The following MELTF variants were observed in gnomAD, a reference collection of about 807,000 sequenced individuals.
The protein encoded by MELTF is antigen p97 (melanoma associated) identified by monoclonal antibodies 133.2 and 96.5.
Under a neutral mutation model 83.7 loss-of-function variants are expected in MELTF, and 67 were observed. The ratio of observed to expected loss-of-function variants is 0.80; its 90% CI spans 0.66 to 0.98. The LOEUF (loss-of-function observed/expected upper bound fraction) is 0.98. MELTF is among the 50% of genes least tolerant of loss of function. The probability of loss-of-function intolerance (pLI) is 0.00; values close to 1 mark genes in which losing one functional copy is unlikely to be tolerated. For missense variants in MELTF, 1,002 were observed against 1,035.6 expected, an observed-to-expected ratio of 0.97 and a Z score of 0.44; for synonymous variants, 462 against 447.6, an observed-to-expected ratio of 1.03 and a Z score of -0.41.
rs538886521 is a variant in MELTF at position 197,016,273 on chromosome 3, C to T, written c.997G>A (p.Val333Met). 4.8e-5 allele frequency: 77 copies of T among 1,613,172 alleles called. No homozygotes were observed. Among genetic ancestry groups the T allele is most frequent in the Non-Finnish European group, 6.3e-5 (74 of 1,179,542 alleles). The change falls in exon 8 of 16, where the codon GTG becomes ATG. Residue 333 changes from valine to methionine, a missense_variant. Val to Met is a conservative substitution (Grantham distance 21). Coordinates refer to ENST00000296350, the MANE Select transcript of MELTF (RefSeq NM_005929.6). ...LLFKDSTSELVPIATQTYEAW... is the reference protein window; with the variant it reads ...LLFKDSTSELMPIATQTYEAW... Reference sequence around the variant, plus strand: ...TCATAGGTCTGTGTGGCGATGGGCACAAGCTCCGAGGTAGAGTCTTTGAAG... The same window carrying T: ...TCATAGGTCTGTGTGGCGATGGGCATAAGCTCCGAGGTAGAGTCTTTGAAG...
At chr3:197,019,849 TA>T (rs372054650) in intron 6 of MELTF, 1,092 of 1,406,596 alleles carry the variant, frequency 7.8e-4, no homozygotes, top group South Asian at 1.8e-3. Flanking sequence ...GACAATGATT[TA>T]AAAAAAAAAC....
chr3:197,004,440 C>T (rs180843627), intron 14 of MELTF: 383 of 371,258 alleles, frequency 1.0e-3, no homozygotes, highest in African/African-American at 7.1e-3. Context: ...TTCTGCTAGG[C>T]CTGCTGAGCA....
At position 197,004,082 on chromosome 3, in the gene MELTF, G is replaced by T; in HGVS notation, c.1956C>A (p.Asp652Glu). 4 of 1,614,150 alleles carry T rather than the reference G, an allele frequency of 2.5e-6. No individual in the cohort carries two copies. The highest frequency in any genetic ancestry group is 3.4e-6 in the Non-Finnish European group (4 of 1,180,034). The change falls in exon 15 of 16, where the codon GAC becomes GAA. Residue 652 changes from aspartate (D) to glutamate (E), a missense_variant. Physicochemically the swap from Asp to Glu is conservative, Grantham distance 45. Transcript: ENST00000296350. ...LDKAQDLFGD[D>E]HNKNGFKMFD... ...ACATTTTGAACCCGTTCTTATTGTG[G>T]TCGTCTCCAAACAGGTCCTGGAAGC...
chr3:197,024,611 TGC>T lies in MELTF; in HGVS notation c.305-128_305-127del. ...GAGCACGGCTGTACACACGGATGTG[TGC>T]ATAGCGTTCTCGTTACCAAGAGAGC... On this transcript the variant is annotated intron_variant, in intron 3 of 15. Coordinates refer to ENST00000296350, the MANE Select transcript of MELTF (RefSeq NM_005929.6). The surrounding 1 kb of genome is among the most constrained non-coding windows in gnomAD (Gnocchi z 5.3). 1.5e-5 allele frequency: 10 copies of T among 672,348 alleles called. No homozygotes were observed. The highest frequency in any genetic ancestry group is 3.5e-5 in the South Asian group (1 of 28,634). 41.6% of individuals were successfully genotyped at this position (672,348 alleles called of 1,614,324 possible).
intron 6 of MELTF, chr3:197,019,700 G>T: frequency 6.2e-7 from 1 of 1,613,980 alleles, no homozygotes; most frequent in East Asian, 2.2e-5. Context: ...TTCCAGGCTT[G>T]CCCAGCACTA....
chr3:197,015,420 G>T lies in MELTF; in HGVS notation c.1178C>A (p.Pro393Gln). Residue 393 changes from proline to glutamine, a missense_variant, in exon 9 of 16, where the codon CCA becomes CAA. Transcript: ENST00000296350. The stretch of plus-strand genomic sequence containing the variant: ...CTTGGCTGACACGCACTGGATCTCT[G>T]GCTTGAGCCGCTGCCGGCGGAAGGC... ...AVAFRRQRLK[P>Q]EIQCVSAKSP... 5 of 1,594,466 alleles carry T rather than the reference G, an allele frequency of 3.1e-6. No homozygotes were observed. The highest frequency in any genetic ancestry group is 4.3e-6 in the Non-Finnish European group (5 of 1,171,140).
In MELTF at chr3:197,009,606, AG is replaced by A. The variant is rs540254752; in HGVS notation, c.1525+11del. On this transcript the variant is annotated intron_variant, in intron 11 of 15. Transcript: ENST00000296350. ...GCTTCCCCAGTCTGCGTTCCTAAAAAGGGGGGGGTACCTGTGAGGACGTCAC... is the reference window on the plus strand; with the variant it reads ...GCTTCCCCAGTCTGCGTTCCTAAAAAGGGGGGGTACCTGTGAGGACGTCAC... The A allele has an allele frequency of 8.4e-5, 133 of 1,584,760 alleles. No individual in the cohort carries two copies. Among genetic ancestry groups the A allele is most frequent in the Middle Eastern group, 1.7e-4 (1 of 5,982 alleles).
intron 11 of MELTF, 93 bp from the exon 12 acceptor site, chr3:197,009,058 C>G (rs9823897): frequency 2.0e-6 from 3 of 1,477,790 alleles, no homozygotes; most frequent in Admixed American, 3.5e-5. Flanking sequence ...CTGCCCACCC[C>G]CCGGATCCTA....
At chr3:197,018,301 C>A (rs151230747) in intron 6 of MELTF, among the ~76,000 whole-genome samples, 5,359 of 148,628 alleles carry the variant, frequency 0.036, 148 homozygotes, top group South Asian at 0.1. Context: ...GTGCCCGCCA[C>A]CACGCCCGGC....
At position 197,026,737 on chromosome 3, in the gene MELTF, G is replaced by C. The variant is rs1258564502; in HGVS notation, c.227C>G (p.Thr76Ser). ...CTCATAGATGGCTCCTCCATCCAGA[G>C]TGATGGCGTCAGCCTCCTGGGCCTG... ...LIAAQEADAI[T>S]LDGGAIYEAG... is the part of the protein sequence containing the mutation. Residue 76 changes from threonine to serine, a missense_variant, in exon 3 of 16, where the codon ACT (threonine) becomes AGT (serine). Transcript: ENST00000296350. 2.5e-6 allele frequency: 4 copies of C among 1,612,874 alleles called. No homozygotes were observed. Among genetic ancestry groups the C allele is most frequent in the Non-Finnish European group, 3.4e-6 (4 of 1,180,000 alleles).
At chr3:197,012,366 T>C (rs1318881475) in intron 9 of MELTF, among the ~76,000 whole-genome samples, 2 of 152,230 alleles carry the variant, frequency 1.3e-5, no homozygotes, top group Non-Finnish European at 2.9e-5. Context: ...CCGCCAGGGC[T>C]GTTGTGAGGG....
intron 6 of MELTF, among the ~76,000 whole-genome samples, chr3:197,020,373 C>G (rs1043537153): frequency 3.3e-5 from 5 of 152,104 alleles, no homozygotes; most frequent in African/African-American, 4.8e-5. Flanking sequence ...AGTTGCGTGT[C>G]CTGATTTGGA....
chr3:197,006,216 C>T lies in MELTF; in HGVS notation c.1938+333G>A, dbSNP rs760580389. On this transcript the variant is annotated intron_variant, in intron 14 of 15. Transcript: ENST00000296350. This position sits in a 1 kb window ranked among gnomAD's most constrained non-coding sequence, Gnocchi z 5.4. ...AGCCTGGGGCGACAGAGTAAGACTCCGTCTCAAAAAAAAAAGAAAAAAAGG... is the reference window on the plus strand; with the variant it reads ...AGCCTGGGGCGACAGAGTAAGACTCTGTCTCAAAAAAAAAAGAAAAAAAGG... 3.7e-4 allele frequency among the ~76,000 whole-genome samples: 55 copies of T among 150,638 alleles called. 1 individual carries two copies. Among genetic ancestry groups the T allele is most frequent in the Non-Finnish European group, 6.6e-4 (45 of 67,770 alleles).
At position 197,029,325 on chromosome 3, in the gene MELTF, C is replaced by T. The variant is rs1175037440; in HGVS notation, c.49+329G>A. The T allele has an allele frequency of 3.4e-6, 1 of 294,868 alleles. No homozygotes were observed. The highest frequency in any genetic ancestry group is 6.3e-6 in the Non-Finnish European group (1 of 159,922). The allele number at this position is 294,868 out of a possible 1,614,324, so 18.3% of individuals were successfully genotyped here. On this transcript the variant is annotated intron_variant, in intron 1 of 15. Transcript: ENST00000296350. This position sits in a 1 kb window ranked among gnomAD's most constrained non-coding sequence, Gnocchi z 6.5. ...CGAGCCCCCAAAGTCTTCCTGAGTT[C>T]CTGCGCCCGTCGGGAGGGGCCGCCC...
At chr3:197,028,278 G>A (rs747367559) in intron 1 of MELTF, 5 of 210,710 alleles carry the variant, frequency 2.4e-5, no homozygotes, top group Non-Finnish European at 2.9e-5. Context: ...CAGGCCTCCC[G>A]AAGAGGGTGC....
At position 197,024,044 on chromosome 3, in the gene MELTF, C is replaced by T. The variant is rs1719741772; in HGVS notation, c.487+259G>A. On this transcript the variant is annotated intron_variant, in intron 4 of 15. Coordinates refer to ENST00000296350, the MANE Select transcript of MELTF (RefSeq NM_005929.6). The surrounding 1 kb of genome is among the most constrained non-coding windows in gnomAD (Gnocchi z 5.3). The stretch of plus-strand genomic sequence containing the variant: ...TCCCACTCATGGGCTGGGCCTGTGC[C>T]TGGCTGTGCCATGTGGGACACCACG... The T allele has an allele frequency of 1.6e-6, 1 of 639,056 alleles. No homozygotes were observed. Among genetic ancestry groups the T allele is most frequent in the African/African-American group, 1.8e-5 (1 of 55,928 alleles). 39.6% of individuals were successfully genotyped at this position (639,056 alleles called of 1,614,324 possible).
intron 3 of MELTF, chr3:197,025,775 C>T (rs1235549096): frequency 6.6e-6 from 1 of 152,406 alleles, no homozygotes; most frequent in Non-Finnish European, 1.5e-5. Context: ...AGGAACCAGC[C>T]AGTGCTTTCT....
chr3:197,029,338 G>A lies in MELTF; in HGVS notation c.49+316C>T, dbSNP rs1008012633. 2 of 320,724 alleles carry A rather than the reference G, an allele frequency of 6.2e-6. No homozygotes were observed. Among genetic ancestry groups the A allele is most frequent in the African/African-American group, 4.3e-5 (2 of 46,750 alleles). 19.9% of individuals were successfully genotyped at this position (320,724 alleles called of 1,614,324 possible). ...TCTTCCTGAGTTCCTGCGCCCGTCG[G>A]GAGGGGCCGCCCTCCGGGAGCTCCT... On this transcript the variant is annotated intron_variant, in intron 1 of 15. Coordinates refer to ENST00000296350, the MANE Select transcript of MELTF (RefSeq NM_005929.6). This position sits in a 1 kb window ranked among gnomAD's most constrained non-coding sequence, Gnocchi z 6.5.
chr3:197,010,681 G>C lies in MELTF; in HGVS notation c.1330+17C>G, dbSNP rs1429191767. 1 of 1,602,216 alleles carries C rather than the reference G, an allele frequency of 6.2e-7. No individual in the cohort carries two copies. Among genetic ancestry groups the C allele is most frequent in the East Asian group, 2.2e-5 (1 of 44,828 alleles). On this transcript the variant is annotated intron_variant, in intron 10 of 15. Transcript: ENST00000296350. The stretch of plus-strand genomic sequence containing the variant: ...CCCACCTCCCGGCTGAGGCCAGGCG[G>C]CAGGCCCTGCACTCACGGGCATAGT...
Sources: allele counts gnomAD v4.1 joint callset (sites outside exome capture counted in the v4.1 genomes callset), GRCh38; gene constraint gnomAD v4.1.1; non-coding constraint Gnocchi (gnomAD v3.1); transcripts MANE v1.5; gene names NCBI Gene and HGNC (gene_info 2026-07-23, HGNC 2026-07-21).